THSD7B: variants seen among roughly 807,000 people sequenced by gnomAD.
The protein encoded by THSD7B is thrombospondin type 1 domain containing 7B.
In THSD7B, 138 loss-of-function variants were observed where a neutral mutation model predicts 213.6. The ratio of observed to expected loss-of-function variants is 0.65; its 90% confidence interval spans 0.56 to 0.74. The LOEUF (loss-of-function observed/expected upper bound fraction) is 0.74. THSD7B is among the 30% of genes least tolerant of loss of function. The pLI, the probability that THSD7B is intolerant of heterozygous loss-of-function variation, is 0.00. For synonymous variants in THSD7B, 742 were observed against 687.0 expected (o/e 1.08, Z -1.25); for missense variants, 1,931 against 1,991.5 (o/e 0.97, Z 0.58).
intron 16 of THSD7B, among the ~76,000 whole-genome samples, chr2:137,570,657 T>C (rs1004965194): frequency 3.3e-5 from 5 of 152,238 alleles, no homozygotes; most frequent in Non-Finnish European, 7.3e-5. Flanking sequence ...TGCTTATTTC[T>C]TAACCTTGAC....
chr2:136,896,974 C>T (rs1683970766), intron 2 of THSD7B, among the ~76,000 whole-genome samples: 1 of 151,392 alleles, frequency 6.6e-6, no homozygotes, highest in African/African-American at 2.4e-5. Context: ...AAGACAGGGT[C>T]TCACTATGTC....
intron 2 of THSD7B, among the ~76,000 whole-genome samples, chr2:136,937,922 T>G (rs1684761200): frequency 6.6e-6 from 1 of 152,212 alleles, no homozygotes; most frequent in South Asian, 2.1e-4. Flanking sequence ...CATATAGCCT[T>G]AGGTAGGTTC....
chr2:136,812,592 A>G (rs918898973), intron 1 of THSD7B, among the ~76,000 whole-genome samples: 1 of 152,210 alleles, frequency 6.6e-6, no homozygotes, highest in East Asian at 1.9e-4. Flanking sequence ...TACTTTATAT[A>G]CAATGTCCTA....
intron 2 of THSD7B, among the ~76,000 whole-genome samples, chr2:137,007,658 T>C (rs940583644): frequency 6.6e-6 from 1 of 152,052 alleles, no homozygotes; most frequent in Non-Finnish European, 1.5e-5. Context: ...CACAATGAGA[T>C]AAGAATTGCA....
chr2:137,294,606 AAAG>A (rs1477998874), intron 12 of THSD7B, among the ~76,000 whole-genome samples: 8 of 147,308 alleles, frequency 5.4e-5, no homozygotes, highest in African/African-American at 2.0e-4. Context: ...AAAAAAAAAG[AAAG>A]GGAGAGAGAC....
chr2:136,858,246 G>A (rs1683204766), intron 1 of THSD7B, among the ~76,000 whole-genome samples: 2 of 152,224 alleles, frequency 1.3e-5, no homozygotes, highest in Admixed American at 1.3e-4. Flanking sequence ...TATTTTCACT[G>A]TTTCTGGAAT....
intron 12 of THSD7B, among the ~76,000 whole-genome samples, chr2:137,397,142 T>C (rs1453809038): frequency 1.3e-5 from 2 of 151,764 alleles, no homozygotes; most frequent in East Asian, 1.9e-4. Flanking sequence ...TATCTTTTAA[T>C]TGGAGCATTT....
intron 14 of THSD7B, among the ~76,000 whole-genome samples, chr2:137,435,795 T>C (rs1273919900): frequency 6.6e-6 from 1 of 152,152 alleles, no homozygotes; most frequent in East Asian, 1.9e-4. Context: ...CAGGAGGAAA[T>C]GCACAGTAGC....
chr2:136,895,096 C>T (rs948896426), intron 2 of THSD7B, among the ~76,000 whole-genome samples: 5 of 152,118 alleles, frequency 3.3e-5, no homozygotes, highest in African/African-American at 1.2e-4. Flanking sequence ...GAGGAAAAGC[C>T]AGAGTGTAGG....
At chr2:137,177,800 G>C (rs181773796) in intron 7 of THSD7B, among the ~76,000 whole-genome samples, 84 of 152,294 alleles carry the variant, frequency 5.5e-4, no homozygotes, top group African/African-American at 1.8e-3. Flanking sequence ...TCCAGGCACA[G>C]TGGCTCACAC....
At position 136,812,919 on chromosome 2, in the gene THSD7B, T is replaced by G. The variant is rs554668079; in HGVS notation, c.-36+47232T>G. 6.6e-5 allele frequency among the ~76,000 whole-genome samples: 10 copies of G among 152,344 alleles called. No individual in the cohort carries two copies. The South Asian group carries it at 1.4e-3, about 22-fold the overall frequency. On this transcript the variant is annotated intron_variant, in intron 1 of 27. Transcript: ENST00000409968. ...AATGCATTATTTTTGCAAGTTCATA[T>G]AAGTAGTCATTACTGGGCAAATAAG...
chr2:136,988,529 G>A (rs1315501572), intron 2 of THSD7B, among the ~76,000 whole-genome samples: 1 of 152,194 alleles, frequency 6.6e-6, no homozygotes, highest in Non-Finnish European at 1.5e-5. Context: ...GGCCTCCACT[G>A]GTGTGTGAGT....
intron 14 of THSD7B, among the ~76,000 whole-genome samples, chr2:137,429,960 G>A (rs953714569): frequency 1.3e-5 from 2 of 152,106 alleles, no homozygotes; most frequent in Non-Finnish European, 2.9e-5. Flanking sequence ...TACTTAAGTA[G>A]GGCCAGGTGC....
intron 3 of THSD7B, among the ~76,000 whole-genome samples, chr2:137,093,395 A>G (rs1053758923): frequency 6.6e-6 from 1 of 152,124 alleles, no homozygotes; most frequent in Non-Finnish European, 1.5e-5. Context: ...AGCATTTGCC[A>G]ATTTCTGTAT....
intron 2 of THSD7B, among the ~76,000 whole-genome samples, chr2:136,919,824 G>A (rs1684405459): frequency 6.6e-6 from 1 of 152,208 alleles, no homozygotes; most frequent in Non-Finnish European, 1.5e-5. Context: ...CAGCCACTGT[G>A]CACAGCTGGG....
intron 15 of THSD7B, among the ~76,000 whole-genome samples, chr2:137,502,313 C>T (rs1679728175): frequency 6.6e-6 from 1 of 151,838 alleles, no homozygotes; most frequent in Non-Finnish European, 1.5e-5. Context: ...TAGATAAACA[C>T]ACACGTATAT....
At chr2:137,001,644 T>C (rs1342908478) in intron 2 of THSD7B, among the ~76,000 whole-genome samples, 2 of 152,178 alleles carry the variant, frequency 1.3e-5, no homozygotes, top group East Asian at 3.9e-4. Context: ...AGCCAAACTT[T>C]CTGGCCTGAT....
chr2:137,345,683 G>A (rs932319752), intron 12 of THSD7B, among the ~76,000 whole-genome samples: 3 of 151,468 alleles, frequency 2.0e-5, no homozygotes, highest in African/African-American at 7.3e-5. Flanking sequence ...AAAAATAGCT[G>A]AGCATTTTTC....
chr2:136,879,237 C>T (rs1351965163), intron 1 of THSD7B, among the ~76,000 whole-genome samples: 7 of 152,092 alleles, frequency 4.6e-5, no homozygotes, highest in African/African-American at 1.2e-4. Context: ...AGATGTGTGG[C>T]ATTATTTCTG....
Sources: allele counts gnomAD v4.1 joint callset (sites outside exome capture counted in the v4.1 genomes callset), GRCh38; gene constraint gnomAD v4.1.1; transcripts MANE v1.5; gene names NCBI Gene and HGNC (gene_info 2026-07-23, HGNC 2026-07-21).